Variants in SLC30A10 observed in about 807,000 individuals in gnomAD.
SLC30A10 encodes calcium/manganese antiporter SLC30A10.
SLC30A10 carries 8 observed loss-of-function variants against 21.7 expected under a neutral mutation model. That is an observed-to-expected ratio of 0.37 (90% confidence interval 0.22 to 0.67). The LOEUF is 0.67. Among genes scored for constraint, SLC30A10 ranks in the 30% least tolerant of loss-of-function variants. SLC30A10 has a pLI of 0.58. For missense variants in SLC30A10, 521 were observed against 642.5 expected, an observed-to-expected ratio of 0.81 and a Z score of 2.04; for synonymous variants, 272 against 279.4, an observed-to-expected ratio of 0.97 and a Z score of 0.26.
chr1:219,915,561 T>C lies in SLC30A10; in HGVS notation c.1346A>G (p.Asp449Gly). 6.2e-7 allele frequency: 1 copy of C among 1,614,238 alleles called. No individual in the cohort carries two copies. The highest frequency in any genetic ancestry group is 8.5e-7 in the Non-Finnish European group (1 of 1,180,050). Residue 449 changes from aspartate to glycine, a missense_variant, in exon 4 of 4, where the codon GAC (aspartate) becomes GGC (glycine). Transcript: ENST00000366926. ...TYGSDGLSRR[D>G]AREVAIEVSL... ...CACTTCAATAGCCACTTCTCTTGCG[T>C]CTCTTCTACTGAGGCCATCACTTCC...
At chr1:219,926,028 A>G (rs1659817496) in intron 2 of SLC30A10, among the ~76,000 whole-genome samples, 2 of 152,074 alleles carry the variant, frequency 1.3e-5, no homozygotes, top group South Asian at 2.1e-4. Context: ...TTCATTACAG[A>G]TTCTCTTTTA....
intron 1 of SLC30A10, 77 bp downstream of exon 1, chr1:219,927,724 G>C (rs1034099371): frequency 3.1e-5 from 40 of 1,302,462 alleles, no homozygotes; most frequent in Non-Finnish European, 4.0e-5. Context: ...AAAAGAGGGC[G>C]TGGGGTGAGA....
Position 219,918,408 on chromosome 1 carries a change from T to G in SLC30A10, c.805A>C (p.Ser269Arg), listed in dbSNP as rs1372467495. ...CACTGCCAGTTACACGGGTCCTCAC[T>G]CTTCAGGGGAAGCACATAGAATATG... is the stretch of plus-strand genomic sequence containing the variant. ...AIIFYVLPLK[S>R]EDPCNWQCYI... The change falls in exon 3 of 4, where the codon AGT becomes CGT. Residue 269 changes from serine (S) to arginine (R), a missense_variant. Ser to Arg is a moderately radical substitution (Grantham distance 110). Coordinates refer to ENST00000366926, the MANE Select transcript of SLC30A10 (RefSeq NM_018713.3). The surrounding 1 kb of genome is among the most constrained non-coding windows in gnomAD (Gnocchi z 4.4). The G allele has an allele frequency of 1.2e-6, 2 of 1,613,914 alleles. No individual in the cohort carries two copies. Among genetic ancestry groups the G allele is most frequent in the East Asian group, 2.2e-5 (1 of 44,880 alleles).
Position 219,910,758 on chromosome 1 carries a change from G to A in SLC30A10, c.*4691C>T, listed in dbSNP as rs1212289744. Among the ~76,000 whole-genome samples, 1 of 152,208 alleles carries A rather than the reference G, an allele frequency of 6.6e-6. No homozygotes were observed. The highest frequency in any genetic ancestry group is 1.5e-5 in the Non-Finnish European group (1 of 68,036). On this transcript the variant is annotated 3_prime_UTR_variant, in exon 4 of 4. Transcript: ENST00000366926. ...CATTAGAGTGCAGAGTAGGTGCAGT[G>A]TCTGGCATGGCTTTGTACTAAGAGG...
At chr1:219,953,735 C>G (rs924935772) in intron 1 of SLC30A10, among the ~76,000 whole-genome samples, 2 of 142,652 alleles carry the variant, frequency 1.4e-5, no homozygotes, top group African/African-American at 5.6e-5. Flanking sequence ...GAGACTGAGT[C>G]TTGCTCTGTT....
chr1:219,941,205 C>A (rs985373763), intron 1 of SLC30A10, among the ~76,000 whole-genome samples: 4 of 152,196 alleles, frequency 2.6e-5, no homozygotes, highest in Non-Finnish European at 5.9e-5. Flanking sequence ...ATGCTTGCAA[C>A]CTTCAAAAGC....
intron 2 of SLC30A10, among the ~76,000 whole-genome samples, chr1:219,921,515 T>C (rs1476681575): frequency 1.3e-5 from 2 of 152,160 alleles, no homozygotes; most frequent in East Asian, 1.9e-4. Context: ...TTACATAAAA[T>C]AGTAACTTTT....
At chr1:219,945,506 A>G (rs1660175201) in intron 1 of SLC30A10, among the ~76,000 whole-genome samples, 1 of 152,250 alleles carries the variant, frequency 6.6e-6, no homozygotes, top group Non-Finnish European at 1.5e-5. Context: ...AAATGAAGGT[A>G]AATCTGAAAA....
chr1:219,954,680 CAAAAAAAA>C lies in SLC30A10; in HGVS notation n.80+3880_80+3887del, dbSNP rs11325622. On this transcript the variant is annotated intron_variant and non_coding_transcript_variant, in intron 1 of 8. Coordinates refer to the SLC30A10 transcript ENST00000484239. ...TGGGCAACAGAGTGAGACTCCATCT[CAAAAAAAA>C]AAAAAAAAAAAAAAAACTTAAATTC... is the stretch of plus-strand genomic sequence containing the variant. Among the ~76,000 whole-genome samples, 3 of 89,150 alleles carry C rather than the reference CAAAAAAAA, an allele frequency of 3.4e-5. No homozygotes were observed. The Admixed American group carries it at 4.7e-4, about 14-fold the overall frequency. The allele number at this position is 89,150 out of a possible 152,430, so 58.5% of individuals were successfully genotyped here.
chr1:219,944,869 GC>G (rs1262465893), intron 1 of SLC30A10, among the ~76,000 whole-genome samples: 3 of 152,150 alleles, frequency 2.0e-5, no homozygotes, highest in African/African-American at 7.2e-5. Flanking sequence ...GCAGTCTCAA[GC>G]CCCAACCTTC....
intron 2 of SLC30A10, among the ~76,000 whole-genome samples, chr1:219,923,550 G>C (rs1242257964): frequency 6.6e-6 from 1 of 151,958 alleles, no homozygotes; most frequent in Admixed American, 6.6e-5. Context: ...TCATCAAAGG[G>C]GATTTCTTTT....
chr1:219,948,114 A>T (rs1372322252), intron 1 of SLC30A10, among the ~76,000 whole-genome samples: 1 of 151,266 alleles, frequency 6.6e-6, no homozygotes, highest in Non-Finnish European at 1.5e-5. Flanking sequence ...ATAAAAGAGG[A>T]TACAAACAAA....
At chr1:219,949,791 G>T (rs2102546342) in intron 1 of SLC30A10, among the ~76,000 whole-genome samples, 1 of 151,708 alleles carries the variant, frequency 6.6e-6, no homozygotes, top group South Asian at 2.1e-4. Context: ...AATAAAAAAA[G>T]AAAAATTGGT....
At chr1:219,930,185 A>C (rs1010614612), upstream of SLC30A10, among the ~76,000 whole-genome samples, 1 of 149,806 alleles carries the variant, frequency 6.7e-6, no homozygotes, top group South Asian at 2.1e-4. Flanking sequence ...CAAAAAAAAA[A>C]CACAGGTCAG....
chr1:219,912,850 A>C lies in SLC30A10; in HGVS notation c.*2599T>G, dbSNP rs975642285. On this transcript the variant is annotated 3_prime_UTR_variant, in exon 4 of 4. Coordinates refer to ENST00000366926, the MANE Select transcript of SLC30A10 (RefSeq NM_018713.3). ...CTCCGTCTCAAAGAAACAAACAAAC[A>C]AACCAAAAAAAAATTATGTCAGTTC... Among the ~76,000 whole-genome samples the C allele has an allele frequency of 1.5e-4, 9 of 61,540 alleles. No homozygotes were observed. The highest frequency in any genetic ancestry group is 8.2e-4 in the East Asian group (1 of 1,222). 40.4% of individuals were successfully genotyped at this position (61,540 alleles called of 152,430 possible).
At chr1:219,922,532 G>A (rs1450736399) in intron 2 of SLC30A10, among the ~76,000 whole-genome samples, 1 of 152,130 alleles carries the variant, frequency 6.6e-6, no homozygotes, top group South Asian at 2.1e-4. Flanking sequence ...ACGTGCTCGT[G>A]GGGCAACGCT....
rs1659399888 is a variant in SLC30A10, at chr1:219,911,148, A to ATTTTTTTTT, written c.*4300_*4301insAAAAAAAAA. On this transcript the variant is annotated 3_prime_UTR_variant, in exon 4 of 4. Coordinates refer to ENST00000366926, the MANE Select transcript of SLC30A10 (RefSeq NM_018713.3). ...CATGTTTCTTCATTTTTTCTACATC[A>ATTTTTTTTT]GTTTTTTTTTTTTTTTTTTTTTTTT... 2.6e-5 allele frequency among the ~76,000 whole-genome samples: 1 copy of ATTTTTTTTT among 38,586 alleles called. No homozygotes were observed. The highest frequency in any genetic ancestry group is 1.4e-4 in the African/African-American group (1 of 7,252). The allele number at this position is 38,586 out of a possible 152,430, so 25.3% of individuals were successfully genotyped here. A position where few individuals can be genotyped will look rare whatever the true frequency, so the allele number is the denominator to read the frequency against.
At chr1:219,957,755 G>A (rs960339578) in intron 1 of SLC30A10, among the ~76,000 whole-genome samples, 5 of 151,898 alleles carry the variant, frequency 3.3e-5, no homozygotes, top group Non-Finnish European at 5.9e-5. Context: ...AGAACTTTCT[G>A]ATACATATAT....
chr1:219,955,106 C>T (rs1047274059), intron 1 of SLC30A10, among the ~76,000 whole-genome samples: 3 of 152,136 alleles, frequency 2.0e-5, no homozygotes, highest in African/African-American at 7.2e-5. Context: ...AAAGGAGTCC[C>T]TAAGCCTAGA....
Sources: allele counts gnomAD v4.1 joint callset (sites outside exome capture counted in the v4.1 genomes callset), GRCh38; gene constraint gnomAD v4.1.1; non-coding constraint Gnocchi (gnomAD v3.1); transcripts MANE v1.5; gene names NCBI Gene and HGNC (gene_info 2026-07-23, HGNC 2026-07-21).